Variants in OSBP observed in about 807,000 individuals in gnomAD.
The protein encoded by OSBP is oxysterol binding protein.
A neutral mutation model predicts 96.6 loss-of-function variants in OSBP; 32 were observed. The observed-to-expected ratio is 0.33, with a 90% CI of 0.25 to 0.45. The LOEUF (loss-of-function observed/expected upper bound fraction) is 0.45. OSBP is among the 20% of genes least tolerant of loss of function. The pLI, the probability that OSBP is intolerant of heterozygous loss-of-function variation, is 1.00. For missense variants in OSBP, 653 were observed against 1,029.7 expected (o/e 0.63, Z 5.01); for synonymous variants, 369 against 389.6 (o/e 0.95, Z 0.62).
Position 59,610,483 on chromosome 11 carries a change from G to C in OSBP, c.469C>G (p.Gln157Glu). Residue 157 changes from glutamine (Q) to glutamate (E), a missense_variant, in exon 2 of 14, where the codon CAG (glutamine) becomes GAG (glutamate). This residue lies in a region of OSBP where 308 missense variants were observed against 573.1 expected (regional missense o/e 0.54). Transcript: ENST00000263847. ...GAACTAGCTTTCAGATGGTAGGTCT[G>C]AGCACCCCCATTGGAAATGATGAAG... ...CNFIISNGGAQTYHLKASSEV... is the reference protein window; with the variant it reads ...CNFIISNGGAETYHLKASSEV... 1 of 1,614,220 alleles carries C rather than the reference G, an allele frequency of 6.2e-7. No homozygotes were observed.
At chr11:59,593,493 T>C (rs956850084) in intron 9 of OSBP, 111 bp downstream of exon 9, 6 of 1,202,064 alleles carry the variant, frequency 5.0e-6, no homozygotes, top group Non-Finnish European at 7.3e-6. Flanking sequence ...TGAGGGTCAG[T>C]GCTCGAATCA....
intron 11 of OSBP, among the ~76,000 whole-genome samples, chr11:59,579,522 AG>A (rs990144326): frequency 2.0e-5 from 3 of 151,540 alleles, no homozygotes; most frequent in African/African-American, 7.3e-5. Flanking sequence ...TCGTGGAGAC[AG>A]GGTTTCTCCA....
intron 9 of OSBP, among the ~76,000 whole-genome samples, chr11:59,590,343 T>C (rs926155862): frequency 2.0e-5 from 3 of 152,246 alleles, no homozygotes; most frequent in Admixed American, 6.5e-5. Context: ...TTGTAACTGA[T>C]GGCTTGTAGT....
rs757191976 is a variant in OSBP, at chr11:59,601,848, GA to G, written c.823-11del. On this transcript the variant is annotated splice_polypyrimidine_tract_variant and intron_variant, in intron 3 of 13. Transcript: ENST00000263847. ...GGAAATCTCTGCAGGCCTGTATGGA[GA>G]AAGCGTTGACTGTGTCAGCTCAACT... is the stretch of plus-strand genomic sequence containing the variant. 17 of 1,613,256 alleles carry G rather than the reference GA, an allele frequency of 1.1e-5. No individual in the cohort carries two copies. The African/African-American group carries it at 1.7e-4, about 16-fold the overall frequency.
At chr11:59,610,325 T>C in intron 2 of OSBP, 56 bp downstream of exon 2, 2 of 1,428,886 alleles carry the variant, frequency 1.4e-6, no homozygotes, top group South Asian at 1.1e-5. Context: ...AAACAAAATC[T>C]GTGCATAAAA....
chr11:59,582,869 T>G (rs1305731094), intron 9 of OSBP, among the ~76,000 whole-genome samples: 1 of 152,214 alleles, frequency 6.6e-6, no homozygotes, highest in Non-Finnish European at 1.5e-5. Flanking sequence ...AAATGTCTGT[T>G]TATTTGCCTA....
intron 12 of OSBP, among the ~76,000 whole-genome samples, chr11:59,577,461 A>T (rs1272780339): frequency 1.3e-5 from 2 of 151,906 alleles, no homozygotes; most frequent in Non-Finnish European, 2.9e-5. Context: ...TGTCTCAGGG[A>T]TCTTTCTTTT....
rs1326083408 is a variant in OSBP at position 59,615,694 on chromosome 11, G to A, written c.-30C>T. ...CGCCGCCGCCTGGAGATACAAGACC[G>A]GAACCGCCTACGAGAGCCGCCGTCG... On this transcript the variant is annotated 5_prime_UTR_variant, in exon 1 of 14. Transcript: ENST00000263847. The A allele has an allele frequency of 3.1e-6, 4 of 1,284,716 alleles. No homozygotes were observed. Among genetic ancestry groups the A allele is most frequent in the Admixed American group, 3.9e-5 (1 of 25,366 alleles). The allele number at this position is 1,284,716 out of a possible 1,614,324, so 79.6% of individuals were successfully genotyped here.
intron 8 of OSBP, 89 bp from the exon 9 acceptor site, chr11:59,593,813 C>G (rs1336822645): frequency 1.9e-6 from 3 of 1,561,354 alleles, no homozygotes; most frequent in Non-Finnish European, 1.7e-6. Flanking sequence ...AAAATTCACA[C>G]TTGACGTTTT....
Position 59,575,702 on chromosome 11 carries a change from G to A in OSBP, c.*875C>T, listed in dbSNP as rs529878595. The A allele has an allele frequency of 6.6e-6, 1 of 152,538 alleles. No individual in the cohort carries two copies. Among genetic ancestry groups the A allele is most frequent in the South Asian group, 2.1e-4 (1 of 4,818 alleles). 9.4% of individuals were successfully genotyped at this position (152,538 alleles called of 1,614,324 possible). ...TGGGGCACAGACCCAAAATGGTACT[G>A]TGCCAGAAGAAGAGAAGCCAGAAAG... On this transcript the variant is annotated 3_prime_UTR_variant, in exon 14 of 14. Transcript: ENST00000263847.
intron 3 of OSBP, among the ~76,000 whole-genome samples, chr11:59,607,946 T>A (rs1860802853): frequency 6.6e-6 from 1 of 152,184 alleles, no homozygotes; most frequent in Non-Finnish European, 1.5e-5. Context: ...AAGATGGGAA[T>A]AACTAGTACT....
At chr11:59,600,713 AG>A in intron 6 of OSBP, 86 bp from the exon 7 acceptor site, 2 of 1,568,474 alleles carry the variant, frequency 1.3e-6, no homozygotes, top group Non-Finnish European at 1.7e-6. Context: ...TGCTAAAAAA[AG>A]AAAAAAAAAT....
intron 9 of OSBP, among the ~76,000 whole-genome samples, chr11:59,586,192 G>GA (rs770834156): frequency 6.8e-5 from 9 of 132,614 alleles, no homozygotes; most frequent in Non-Finnish European, 1.1e-4. Flanking sequence ...AAAAAAAAAA[G>GA]AAAAAAAAAA....
In OSBP at chr11:59,576,050, C is replaced by G. The variant is rs964219610; in HGVS notation, c.*527G>C. On this transcript the variant is annotated 3_prime_UTR_variant, in exon 14 of 14. Transcript: ENST00000263847. ...CCGCGTGGACACTCCATTAAACCGA[C>G]CCCGCGTGTGAACACACTTGATGAT... 3.2e-5 allele frequency: 5 copies of G among 153,852 alleles called. No individual in the cohort carries two copies. The highest frequency in any genetic ancestry group is 1.2e-4 in the African/African-American group (5 of 41,474). The allele number at this position is 153,852 out of a possible 1,614,324, so 9.5% of individuals were successfully genotyped here.
intron 5 of OSBP, 88 bp from the exon 6 acceptor site, chr11:59,600,961 A>G (rs1384601339): frequency 1.8e-5 from 20 of 1,088,658 alleles, no homozygotes; most frequent in South Asian, 6.3e-5. Context: ...CAGAATGCCA[A>G]GTACACTGTA....
intron 1 of OSBP, 116 bp downstream of exon 1, chr11:59,615,187 G>A (rs2084535607): frequency 3.6e-6 from 3 of 824,460 alleles, no homozygotes; most frequent in Non-Finnish European, 5.7e-6. Flanking sequence ...CACAGATGAC[G>A]AAAAGGGGCC....
At chr11:59,591,549 T>C (rs1860580296) in intron 9 of OSBP, among the ~76,000 whole-genome samples, 1 of 152,070 alleles carries the variant, frequency 6.6e-6, no homozygotes, top group Non-Finnish European at 1.5e-5. Context: ...AAATGCTATA[T>C]AAATAGGTAT....
intron 8 of OSBP, 41 bp from the exon 9 acceptor site, chr11:59,593,765 A>G (rs1860614268): frequency 1.2e-6 from 2 of 1,611,578 alleles, no homozygotes; most frequent in Non-Finnish European, 1.7e-6. Context: ...CAGAAAGGAG[A>G]AGAAAAAGAT....
chr11:59,606,688 T>C (rs1213106509), intron 3 of OSBP, among the ~76,000 whole-genome samples: 1 of 152,208 alleles, frequency 6.6e-6, no homozygotes, highest in East Asian at 1.9e-4. Context: ...AAAATTAAAT[T>C]AATTTTTAAA....
Sources: gnomAD v4.1 joint callset for allele counts (sites outside exome capture counted in the v4.1 genomes callset) on GRCh38, gnomAD v4.1.1 for gene constraint, gnomAD v4.1.1 regional missense constraint, MANE v1.5 for transcripts, NCBI Gene and HGNC (gene_info 2026-07-23, HGNC 2026-07-21) for gene names.